Variants in SLCO3A1 observed in about 807,000 individuals in gnomAD.
SLCO3A1 encodes PGE1 transporter.
A neutral mutation model predicts 63.1 loss-of-function variants in SLCO3A1; 27 were observed. The observed-to-expected ratio is 0.43, with a 90% CI of 0.32 to 0.59. The LOEUF is 0.59. Ranked by LOEUF, SLCO3A1 falls within the 20% of genes least tolerant of loss-of-function variation. SLCO3A1 has a pLI of 0.09. For missense variants in SLCO3A1, 773 were observed against 945.8 expected (o/e 0.82, Z 2.40); for synonymous variants, 473 against 409.9 (o/e 1.15, Z -1.86).
intron 2 of SLCO3A1, among the ~76,000 whole-genome samples, chr15:92,009,478 C>T (rs188517378): frequency 1.8e-3 from 276 of 152,306 alleles, no homozygotes; most frequent in African/African-American, 6.3e-3. Flanking sequence ...GTCTCCAGCA[C>T]GGCCTGATGC....
intron 2 of SLCO3A1, among the ~76,000 whole-genome samples, chr15:91,977,588 C>T (rs560683505): frequency 1.2e-4 from 19 of 152,070 alleles, no homozygotes; most frequent in Non-Finnish European, 2.5e-4. Context: ...AGTGATATAA[C>T]GAACTTTGGC....
chr15:91,931,819 A>ACACACACACACACACACT (rs1219494698), intron 2 of SLCO3A1, among the ~76,000 whole-genome samples: 1 of 151,704 alleles, frequency 6.6e-6, no homozygotes, highest in South Asian at 2.1e-4. Flanking sequence ...ACACACACAC[A>ACACACACACACACACACT]CACTCACACA....
chr15:92,126,977 T>C (rs914787405), intron 6 of SLCO3A1, among the ~76,000 whole-genome samples: 1 of 152,302 alleles, frequency 6.6e-6, no homozygotes, highest in Admixed American at 6.5e-5. Context: ...AGCCAGACTC[T>C]TCCTCCAAGC....
intron 2 of SLCO3A1, among the ~76,000 whole-genome samples, chr15:91,988,423 T>C (rs1339255379): frequency 1.3e-5 from 2 of 152,040 alleles, no homozygotes; most frequent in African/African-American, 2.4e-5. Flanking sequence ...CATTTAAAAA[T>C]AAAACTAATT....
At chr15:92,043,761 G>T (rs901066593) in intron 2 of SLCO3A1, among the ~76,000 whole-genome samples, 5 of 152,132 alleles carry the variant, frequency 3.3e-5, no homozygotes, top group African/African-American at 1.2e-4. Context: ...AACAGTCTTG[G>T]GTGTTTTACA....
intron 2 of SLCO3A1, among the ~76,000 whole-genome samples, chr15:91,970,620 T>C (rs1052394145): frequency 2.0e-5 from 3 of 152,150 alleles, no homozygotes; most frequent in African/African-American, 7.2e-5. Context: ...TGAAACAACA[T>C]GGTTCTTTCT....
At chr15:92,144,634 G>A (rs1276068861) in intron 7 of SLCO3A1, among the ~76,000 whole-genome samples, 2 of 152,176 alleles carry the variant, frequency 1.3e-5, no homozygotes, top group Admixed American at 6.5e-5. Flanking sequence ...ATGCAAAAGG[G>A]GCATACCGCA....
intron 2 of SLCO3A1, among the ~76,000 whole-genome samples, chr15:92,064,493 G>A (rs905386121): frequency 6.6e-6 from 1 of 152,120 alleles, no homozygotes; most frequent in Non-Finnish European, 1.5e-5. Context: ...TGCTTTTGAG[G>A]TCCTACTTAA....
chr15:92,109,202 A>G (rs2047700198), intron 4 of SLCO3A1, among the ~76,000 whole-genome samples: 1 of 152,182 alleles, frequency 6.6e-6, no homozygotes, highest in African/African-American at 2.4e-5. Context: ...ACTTACCAGT[A>G]AGGCAAGTGA....
At chr15:92,107,419 T>C (rs1160261868) in intron 4 of SLCO3A1, among the ~76,000 whole-genome samples, 2 of 152,226 alleles carry the variant, frequency 1.3e-5, no homozygotes, top group African/African-American at 2.4e-5. Flanking sequence ...GTTTTTGCTA[T>C]ACGAGCTTTT....
intron 1 of SLCO3A1, among the ~76,000 whole-genome samples, chr15:91,893,057 A>G (rs1204534903): frequency 1.1e-4 from 16 of 152,252 alleles, no homozygotes; most frequent in Admixed American, 1.0e-3. Context: ...AAGCCTTAGA[A>G]TAATTTCTAG....
At chr15:92,110,855 G>T (rs1316223240) in intron 4 of SLCO3A1, among the ~76,000 whole-genome samples, 2 of 121,458 alleles carry the variant, frequency 1.6e-5, no homozygotes, top group Non-Finnish European at 3.5e-5. Context: ...CAGGGTTTTG[G>T]CCTGTGTTTG....
chr15:92,068,630 A>G (rs968845435), intron 2 of SLCO3A1, among the ~76,000 whole-genome samples: 4 of 152,164 alleles, frequency 2.6e-5, no homozygotes, highest in Non-Finnish European at 5.9e-5. Flanking sequence ...ACTTTGATCA[A>G]GACAGCACAG....
At chr15:92,047,592 TA>T (rs1183038986) in intron 2 of SLCO3A1, among the ~76,000 whole-genome samples, 686 of 22,760 alleles carry the variant, frequency 0.03, 200 homozygotes, top group African/African-American at 0.12. Flanking sequence ...AATATATATA[TA>T]ATATATAATA....
rs760526199 is a variant in SLCO3A1, at chr15:91,860,308, C to G, written c.180+6220C>G. On this transcript the variant is annotated intron_variant, in intron 1 of 9. Transcript: ENST00000318445. This position sits in a 1 kb window ranked among gnomAD's most constrained non-coding sequence, Gnocchi z 5.5. ...AGACCTGGATTTGAACTTAGACTTG[C>G]TATTTCCCAGCTCCTGGCAACTTCA... Among the ~76,000 whole-genome samples, 13 of 152,168 alleles carry G rather than the reference C, an allele frequency of 8.5e-5. No individual in the cohort carries two copies. Among genetic ancestry groups the G allele is most frequent in the Non-Finnish European group, 1.5e-4 (10 of 68,034 alleles).
At position 91,854,054 on chromosome 15, in the gene SLCO3A1, T is replaced by A; in HGVS notation, c.146T>A (p.Leu49Gln). The A allele has an allele frequency of 6.5e-7, 1 of 1,535,710 alleles. No homozygotes were observed. The highest frequency in any genetic ancestry group is 8.8e-7 in the Non-Finnish European group (1 of 1,138,830). The change falls in exon 1 of 10, where the codon CTG becomes CAG. Residue 49 changes from leucine to glutamine, a missense_variant. By Grantham distance (113) the Leu-to-Gln change is moderately radical. This residue lies in a region of SLCO3A1 where 69 missense variants were observed against 64.6 expected (regional missense o/e 1.07). Transcript: ENST00000318445. The surrounding 1 kb of genome is among the most constrained non-coding windows in gnomAD (Gnocchi z 6.4). ...IKIFLVSECA[L>Q]MLAQGTVGAY... ...ATCTTCCTGGTGTCCGAGTGCGCCCTGATGCTGGCGCAGGGCACGGTGGGC... is the reference window on the plus strand; with the variant it reads ...ATCTTCCTGGTGTCCGAGTGCGCCCAGATGCTGGCGCAGGGCACGGTGGGC...
chr15:91,854,351 A>C lies in SLCO3A1; in HGVS notation c.180+263A>C. On this transcript the variant is annotated intron_variant, in intron 1 of 9. Transcript: ENST00000318445. The surrounding 1 kb of genome is among the most constrained non-coding windows in gnomAD (Gnocchi z 6.4). ...GGGGCAGGGGGTGCCGGGGGAGGAGAGGCGGCGGGCAGGTGGGCGTGAAAC... is the reference window on the plus strand; with the variant it reads ...GGGGCAGGGGGTGCCGGGGGAGGAGCGGCGGCGGGCAGGTGGGCGTGAAAC... The C allele has an allele frequency of 4.9e-6, 5 of 1,016,262 alleles. No individual in the cohort carries two copies. The highest frequency in any genetic ancestry group is 1.8e-5 in the African/African-American group (1 of 57,140). The allele number at this position is 1,016,262 out of a possible 1,614,324, so 63.0% of individuals were successfully genotyped here.
rs2048177256 is a variant in SLCO3A1 at position 92,143,479 on chromosome 15, T to C, written c.1513-3505T>C. 3.5e-5 allele frequency among the ~76,000 whole-genome samples: 2 copies of C among 57,056 alleles called. 1 individual carries two copies. Among genetic ancestry groups the C allele is most frequent in the African/African-American group, 1.5e-4 (2 of 13,410 alleles). 37.4% of individuals were successfully genotyped at this position (57,056 alleles called of 152,430 possible). A position where few individuals can be genotyped will look rare whatever the true frequency, so the allele number is the denominator to read the frequency against. On this transcript the variant is annotated intron_variant, in intron 7 of 9. Transcript: ENST00000318445. ...TATATAATATATATAAATATATATATATATTATATATATGTATATAAAATC... is the reference window on the plus strand; with the variant it reads ...TATATAATATATATAAATATATATACATATTATATATATGTATATAAAATC...
At chr15:92,089,537 G>A (rs911468954) in intron 2 of SLCO3A1, among the ~76,000 whole-genome samples, 7 of 152,190 alleles carry the variant, frequency 4.6e-5, no homozygotes, top group African/African-American at 1.7e-4. Context: ...ATGTCCCATA[G>A]TGTTCACTGT....
Sources: allele counts gnomAD v4.1 joint callset (sites outside exome capture counted in the v4.1 genomes callset), GRCh38; gene constraint gnomAD v4.1.1; regional missense constraint gnomAD v4.1.1; non-coding constraint Gnocchi (gnomAD v3.1); transcripts MANE v1.5; gene names NCBI Gene and HGNC (gene_info 2026-07-23, HGNC 2026-07-21).